The following KDM4C variants were observed in gnomAD, a reference collection of about 807,000 sequenced individuals.
The protein encoded by KDM4C is lysine demethylase 4C, also known as lysine-specific demethylase 4C.
A neutral mutation model predicts 129.3 loss-of-function variants in KDM4C; 81 were observed. That is an observed-to-expected ratio of 0.63 (90% CI 0.52 to 0.75). The LOEUF (loss-of-function observed/expected upper bound fraction) is 0.75, where lower values mean the gene tolerates loss of function less well. Ranked by LOEUF, KDM4C falls within the 30% of genes least tolerant of loss-of-function variation. The pLI is 0.00. For missense variants in KDM4C, 1,457 were observed against 1,304.0 expected (o/e 1.12, Z -1.81); for synonymous variants, 573 against 456.1 (o/e 1.26, Z -3.26).
chr9:6,899,542 G>GTGTGTGTGTGT lies in KDM4C; in HGVS notation c.921+6310_921+6311insTGTGTGTGTGT, dbSNP rs1554633823. 4.0e-3 allele frequency among the ~76,000 whole-genome samples: 594 copies of GTGTGTGTGTGT among 150,152 alleles called. 4 individuals carry two copies. The highest frequency in any genetic ancestry group is 6.9e-3 in the Middle Eastern group (2 of 290). The stretch of plus-strand genomic sequence containing the variant: ...GAGTCCTCTGTGCCTTTTCCATGGG[G>GTGTGTGTGTGT]GTGTGTGTGTGTGTGTGTGTGTGTG... On this transcript the variant is annotated intron_variant, in intron 8 of 21. Transcript: ENST00000381309.
chr9:6,800,729 C>T (rs936561587), intron 2 of KDM4C, among the ~76,000 whole-genome samples: 1 of 152,158 alleles, frequency 6.6e-6, no homozygotes. Flanking sequence ...CGGGCTCAAG[C>T]AGTCGCCCCA....
intron 1 of KDM4C, among the ~76,000 whole-genome samples, chr9:6,769,360 TC>T (rs1406125065): frequency 6.6e-6 from 1 of 152,154 alleles, no homozygotes; most frequent in Non-Finnish European, 1.5e-5. Flanking sequence ...TCTTCTCTTT[TC>T]TTTTTTGGCA....
chr9:6,804,275 C>T (rs1000379337), intron 2 of KDM4C, among the ~76,000 whole-genome samples: 1 of 152,196 alleles, frequency 6.6e-6, no homozygotes. Flanking sequence ...TGATAGTGCA[C>T]ATCTCTTCCC....
intron 15 of KDM4C, among the ~76,000 whole-genome samples, chr9:7,022,663 C>T (rs1332600411): frequency 7.9e-6 from 1 of 126,114 alleles, no homozygotes; most frequent in South Asian, 2.6e-4. Context: ...TCTGATTACG[C>T]TGGCTAGGAT....
At chr9:6,832,104 T>G (rs949810351) in intron 4 of KDM4C, among the ~76,000 whole-genome samples, 2 of 152,084 alleles carry the variant, frequency 1.3e-5, no homozygotes, top group African/African-American at 2.4e-5. Context: ...TCTGGGAGTC[T>G]GAGGCGGGTG....
At chr9:6,973,052 TA>T (rs2131719652) in intron 8 of KDM4C, among the ~76,000 whole-genome samples, 1 of 152,364 alleles carries the variant, frequency 6.6e-6, no homozygotes, top group South Asian at 2.1e-4. Context: ...GATTGCTAGG[TA>T]AAGTGAATCT....
At chr9:6,943,977 C>A (rs1362553900) in intron 8 of KDM4C, among the ~76,000 whole-genome samples, 1 of 152,112 alleles carries the variant, frequency 6.6e-6, no homozygotes, top group Non-Finnish European at 1.5e-5. Flanking sequence ...TTACCTGGAT[C>A]CTTGCTAATT....
chr9:7,158,010 T>C (rs1843373000), intron 19 of KDM4C, among the ~76,000 whole-genome samples: 1 of 152,184 alleles, frequency 6.6e-6, no homozygotes, highest in South Asian at 2.1e-4. Flanking sequence ...TGGTAGGCTA[T>C]TAATTATTGC....
chr9:6,802,297 T>C (rs1445842002), intron 2 of KDM4C, among the ~76,000 whole-genome samples: 1 of 152,184 alleles, frequency 6.6e-6, no homozygotes, highest in Non-Finnish European at 1.5e-5. Context: ...CTCTCGTATA[T>C]TGCAGTTGGG....
chr9:7,077,090 T>C, intron 17 of KDM4C: 1 of 985,518 alleles, frequency 1.0e-6, no homozygotes, highest in Non-Finnish European at 1.2e-6. Context: ...TTCATCAAAG[T>C]TCTATCTGGG....
At chr9:7,091,001 T>C (rs1445506126) in intron 17 of KDM4C, among the ~76,000 whole-genome samples, 1 of 152,178 alleles carries the variant, frequency 6.6e-6, no homozygotes. Flanking sequence ...TGGATGCATT[T>C]TATGGGCAGG....
chr9:7,099,974 T>A (rs1836886228), intron 17 of KDM4C, among the ~76,000 whole-genome samples: 1 of 152,134 alleles, frequency 6.6e-6, no homozygotes, highest in South Asian at 2.1e-4. Flanking sequence ...CTTGAGGAGT[T>A]TGGGGGTTGA....
At chr9:7,083,535 G>A (rs907273957) in intron 17 of KDM4C, among the ~76,000 whole-genome samples, 7 of 152,080 alleles carry the variant, frequency 4.6e-5, no homozygotes, top group African/African-American at 1.7e-4. Flanking sequence ...GCCTTCATGG[G>A]GCTGCTACAG....
chr9:7,039,704 T>C (rs1357354738), intron 15 of KDM4C, among the ~76,000 whole-genome samples: 1 of 152,030 alleles, frequency 6.6e-6, no homozygotes, highest in African/African-American at 2.4e-5. Context: ...GAAAATGTTA[T>C]TAAGAAAATC....
At chr9:6,874,281 A>G (rs1843245668) in intron 5 of KDM4C, among the ~76,000 whole-genome samples, 1 of 152,226 alleles carries the variant, frequency 6.6e-6, no homozygotes, top group Non-Finnish European at 1.5e-5. Context: ...AGTGCAATAA[A>G]ATGAGGTATG....
intron 8 of KDM4C, among the ~76,000 whole-genome samples, chr9:6,937,974 A>G (rs1825135308): frequency 6.6e-6 from 1 of 152,174 alleles, no homozygotes; most frequent in Non-Finnish European, 1.5e-5. Flanking sequence ...GGCCTCCCAA[A>G]GTGCTGGGAT....
chr9:7,045,420 C>A (rs912574343), intron 15 of KDM4C, among the ~76,000 whole-genome samples: 2 of 151,988 alleles, frequency 1.3e-5, no homozygotes, highest in African/African-American at 2.4e-5. Flanking sequence ...CATTCATTTT[C>A]TTTCTCACCT....
chr9:6,790,654 C>CAAAAAAAAAAA (rs1186296239), intron 1 of KDM4C, among the ~76,000 whole-genome samples: 2 of 65,214 alleles, frequency 3.1e-5, no homozygotes, highest in Non-Finnish European at 5.3e-5. Context: ...TTAAATTCAG[C>CAAAAAAAAAAA]AAAAAAAAAA....
At chr9:6,876,749 T>C (rs1012244181) in intron 5 of KDM4C, among the ~76,000 whole-genome samples, 7 of 152,112 alleles carry the variant, frequency 4.6e-5, no homozygotes, top group African/African-American at 1.7e-4. Flanking sequence ...TGAAGCCAGG[T>C]GCTCACCTTC....
Sources: gnomAD v4.1 joint callset for allele counts (sites outside exome capture counted in the v4.1 genomes callset) on GRCh38, gnomAD v4.1.1 for gene constraint, MANE v1.5 for transcripts, NCBI Gene and HGNC (gene_info 2026-07-23, HGNC 2026-07-21) for gene names.